PRMT8: variants seen among roughly 807,000 people sequenced by gnomAD.
PRMT8 encodes the protein protein arginine methyltransferase 8.
A neutral mutation model predicts 47.1 loss-of-function variants in PRMT8; 7 were observed. The ratio of observed to expected loss-of-function variants is 0.15; its 90% CI spans 0.08 to 0.28. The LOEUF is 0.28. Among genes scored for constraint, PRMT8 ranks in the 10% least tolerant of loss-of-function variants. The pLI is 1.00. For missense variants in PRMT8, 237 were observed against 505.4 expected (o/e 0.47, Z 5.09); for synonymous variants, 188 against 186.5 (o/e 1.01, Z -0.07).
Position 3,552,972 on chromosome 12 carries a change from A to C in PRMT8, c.418-679A>C, listed in dbSNP as rs553094971. 12 of 325,454 alleles carry C rather than the reference A, an allele frequency of 3.7e-5. No homozygotes were observed. Among genetic ancestry groups the C allele is most frequent in the Non-Finnish European group, 6.2e-5 (10 of 162,040 alleles). The allele number at this position is 325,454 out of a possible 1,614,324, so 20.2% of individuals were successfully genotyped here. A position where few individuals can be genotyped will look rare whatever the true frequency, so the allele number is the denominator to read the frequency against. On this transcript the variant is annotated intron_variant, in intron 3 of 9. Coordinates refer to ENST00000382622, the MANE Select transcript of PRMT8 (RefSeq NM_019854.5). This position sits in a 1 kb window ranked among gnomAD's most constrained non-coding sequence, Gnocchi z 4.5. ...GCCTGAGACGCTAACCCTGGGCTGGAGCTTGGCTTCCAACCATTCCCATGA... is the reference window on the plus strand; with the variant it reads ...GCCTGAGACGCTAACCCTGGGCTGGCGCTTGGCTTCCAACCATTCCCATGA...
At chr12:3,469,941 G>C (rs1462824098) in intron 1 of PRMT8, among the ~76,000 whole-genome samples, 1 of 152,142 alleles carries the variant, frequency 6.6e-6, no homozygotes, top group East Asian at 1.9e-4. Context: ...TGCTGGCCAA[G>C]GTGCCGAGGA....
At chr12:3,568,981 C>G (rs1056841094) in intron 5 of PRMT8, 133 bp downstream of exon 5, 3 of 1,212,778 alleles carry the variant, frequency 2.5e-6, no homozygotes, top group African/African-American at 1.5e-5. Flanking sequence ...CCAAGCCCCT[C>G]TCTCTAGAGC....
rs554858776 is a variant in PRMT8 at position 3,436,003 on chromosome 12, G to A, written c.48+54561G>A. Among the ~76,000 whole-genome samples, 3 of 152,274 alleles carry A rather than the reference G, an allele frequency of 2.0e-5. No homozygotes were observed. Among genetic ancestry groups the A allele is most frequent in the African/African-American group, 7.2e-5 (3 of 41,566 alleles). On this transcript the variant is annotated intron_variant, in intron 1 of 9. Transcript: ENST00000452611. The surrounding 1 kb of genome is among the most constrained non-coding windows in gnomAD (Gnocchi z 4.2). Reference sequence around the variant, plus strand: ...TGATGTCCAATTTATTCCTCCTCAGGAGGGGTGATTTTAGCGGGCAAGGGG... The same window carrying A: ...TGATGTCCAATTTATTCCTCCTCAGAAGGGGTGATTTTAGCGGGCAAGGGG...
At chr12:3,592,801 G>A (rs1867337424) in intron 9 of PRMT8, among the ~76,000 whole-genome samples, 1 of 152,198 alleles carries the variant, frequency 6.6e-6, no homozygotes, top group Admixed American at 6.5e-5. Context: ...AGAGTGCTCT[G>A]AAGGTCACCT....
chr12:3,399,969 T>C (rs1262356066), intron 1 of PRMT8, among the ~76,000 whole-genome samples: 1 of 152,176 alleles, frequency 6.6e-6, no homozygotes, highest in Non-Finnish European at 1.5e-5. Flanking sequence ...TCAAAATCTA[T>C]TGAAGGCTTT....
chr12:3,410,982 C>T (rs1000848460), intron 1 of PRMT8, among the ~76,000 whole-genome samples: 1 of 152,222 alleles, frequency 6.6e-6, no homozygotes, highest in Non-Finnish European at 1.5e-5. Flanking sequence ...CCAGAAAGTA[C>T]ATATGCTTGC....
intron 1 of PRMT8, among the ~76,000 whole-genome samples, chr12:3,515,058 G>C (rs1044201240): frequency 9.2e-5 from 14 of 152,180 alleles, no homozygotes; most frequent in Non-Finnish European, 1.5e-4. Context: ...ATCCTCTAAG[G>C]ATATACTAAT....
rs748381170 is a variant in PRMT8 at position 3,538,866 on chromosome 12, C to T, written c.76-1740C>T. On this transcript the variant is annotated intron_variant, in intron 1 of 9. Coordinates refer to ENST00000382622, the MANE Select transcript of PRMT8 (RefSeq NM_019854.5). This position sits in a 1 kb window ranked among gnomAD's most constrained non-coding sequence, Gnocchi z 4.6. ...GCCAGCCCGCCCGGGATCTCACCGA[C>T]GTGAAATCTGATGTTGCTAAACTGG... Among the ~76,000 whole-genome samples, 7 of 152,166 alleles carry T rather than the reference C, an allele frequency of 4.6e-5. No homozygotes were observed. Among genetic ancestry groups the T allele is most frequent in the South Asian group, 2.1e-4 (1 of 4,816 alleles).
chr12:3,467,259 A>AG (rs1416743082), intron 1 of PRMT8, among the ~76,000 whole-genome samples: 3 of 151,120 alleles, frequency 2.0e-5, no homozygotes, highest in Admixed American at 6.6e-5. Context: ...AAAAAAAAAA[A>AG]AAAAAGAAAT....
At chr12:3,587,111 C>A (rs1007856495) in intron 8 of PRMT8, among the ~76,000 whole-genome samples, 23 of 151,576 alleles carry the variant, frequency 1.5e-4, no homozygotes, top group African/African-American at 5.1e-4. Flanking sequence ...AATCCTAATT[C>A]TTGGCTCATG....
chr12:3,410,829 T>A (rs530515579), intron 1 of PRMT8, among the ~76,000 whole-genome samples: 1 of 152,336 alleles, frequency 6.6e-6, no homozygotes, highest in African/African-American at 2.4e-5. Context: ...CTTTTCTAAT[T>A]ACATTCCATG....
chr12:3,507,858 A>G (rs929187462), intron 1 of PRMT8, among the ~76,000 whole-genome samples: 3 of 149,136 alleles, frequency 2.0e-5, no homozygotes, highest in East Asian at 4.0e-4. Flanking sequence ...TCCCGGGTTC[A>G]TGCAGTTCCC....
intron 7 of PRMT8, among the ~76,000 whole-genome samples, chr12:3,577,753 T>C (rs1365812256): frequency 6.6e-6 from 1 of 152,192 alleles, no homozygotes; most frequent in African/African-American, 2.4e-5. Context: ...CTTCTTCTAA[T>C]GTGACCCACG....
At chr12:3,440,268 G>C (rs1565408160) in intron 1 of PRMT8, among the ~76,000 whole-genome samples, 1 of 152,128 alleles carries the variant, frequency 6.6e-6, no homozygotes, top group Non-Finnish European at 1.5e-5. Context: ...AGACCATCCT[G>C]GCTAACATGG....
At chr12:3,567,664 G>A (rs567401984) in intron 4 of PRMT8, among the ~76,000 whole-genome samples, 2 of 152,298 alleles carry the variant, frequency 1.3e-5, no homozygotes, top group Admixed American at 6.5e-5. Flanking sequence ...TACCACAGGG[G>A]TTAGGGGTGC....
At chr12:3,581,924 C>A (rs1212909543) in intron 7 of PRMT8, among the ~76,000 whole-genome samples, 1 of 152,212 alleles carries the variant, frequency 6.6e-6, no homozygotes, top group Non-Finnish European at 1.5e-5. Context: ...TACATTGAGA[C>A]AAAAGCCATT....
rs754836044 is a variant in PRMT8 at position 3,549,906 on chromosome 12, G to A, written c.262-30G>A. The stretch of plus-strand genomic sequence containing the variant: ...TACACCCAGGTGTCTTGAATTCACT[G>A]ACATTTCCTTTCTTTTCCCTCCATC... On this transcript the variant is annotated intron_variant, in intron 2 of 9. Coordinates refer to ENST00000382622, the MANE Select transcript of PRMT8 (RefSeq NM_019854.5). The A allele has an allele frequency of 1.8e-5, 29 of 1,610,346 alleles. No individual in the cohort carries two copies. The East Asian group carries it at 6.3e-4, about 35-fold the overall frequency.
chr12:3,542,391 C>T (rs936651607), intron 2 of PRMT8, among the ~76,000 whole-genome samples: 1 of 152,182 alleles, frequency 6.6e-6, no homozygotes, highest in Non-Finnish European at 1.5e-5. Flanking sequence ...CTTCCTTGAC[C>T]CTGCTCTCCA....
chr12:3,531,129 C>T (rs1866024641), intron 1 of PRMT8, among the ~76,000 whole-genome samples: 1 of 152,060 alleles, frequency 6.6e-6, no homozygotes, highest in Non-Finnish European at 1.5e-5. Context: ...ATGATTTGAC[C>T]CAAATCTGGA....
Sources: gnomAD v4.1 joint callset for allele counts (sites outside exome capture counted in the v4.1 genomes callset) on GRCh38, gnomAD v4.1.1 for gene constraint, Gnocchi (gnomAD v3.1) non-coding constraint, MANE v1.5 for transcripts, NCBI Gene and HGNC (gene_info 2026-07-23, HGNC 2026-07-21) for gene names.